PTPRG: variants seen among roughly 807,000 people sequenced by gnomAD.
The protein encoded by PTPRG is protein tyrosine phosphatase receptor type G.
In PTPRG, 102 loss-of-function variants were observed where a neutral mutation model predicts 165.3. The ratio of observed to expected loss-of-function variants is 0.62; its 90% CI spans 0.53 to 0.73. PTPRG has a LOEUF of 0.73. PTPRG is among the 30% of genes least tolerant of loss of function. The pLI, the probability that PTPRG is intolerant of heterozygous loss-of-function variation, is 0.00. For synonymous variants in PTPRG, 675 were observed against 669.5 expected, an observed-to-expected ratio of 1.01 and a Z score of -0.13; for missense variants, 1,866 against 1,861.4, an observed-to-expected ratio of 1.00 and a Z score of -0.05.
In PTPRG at chr3:62,214,830, G is replaced by T. The variant is rs2106874029; in HGVS notation, c.2156-4021G>T. 6.6e-6 allele frequency among the ~76,000 whole-genome samples: 1 copy of T among 152,326 alleles called. No individual in the cohort carries two copies. Among genetic ancestry groups the T allele is most frequent in the African/African-American group, 2.4e-5 (1 of 41,576 alleles). ...AACTGGTTTAAGTTATTGGTTAAAA[G>T]TCACACAGAAAATGGCCAAGCCAGG... On this transcript the variant is annotated intron_variant, in intron 12 of 29. Transcript: ENST00000474889. This position sits in a 1 kb window ranked among gnomAD's most constrained non-coding sequence, Gnocchi z 5.2.
At position 62,271,413 on chromosome 3, in the gene PTPRG, A is replaced by G; in HGVS notation, c.3040A>G (p.Asn1014Asp). 6.2e-7 allele frequency: 1 copy of G among 1,611,236 alleles called. No homozygotes were observed. The highest frequency in any genetic ancestry group is 8.5e-7 in the Non-Finnish European group (1 of 1,178,770). The change falls in exon 21 of 30, where the codon AAT (asparagine) becomes GAT (aspartate). Residue 1014 changes from asparagine to aspartate, a missense_variant. Asn to Asp is a conservative substitution (Grantham distance 23). Around this residue, in one of 3 missense-constraint regions of PTPRG, gnomAD observed 1,452 missense variants for 1,463.0 expected, o/e 0.99. Transcript: ENST00000474889. The surrounding 1 kb of genome is among the most constrained non-coding windows in gnomAD (Gnocchi z 4.1). Reference sequence around the variant, plus strand: ...GAAGGGAAATCCCAAGGGTCGTCAGAATGAAAGGGTAGTGATCCAGTATCA... The same window carrying G: ...GAAGGGAAATCCCAAGGGTCGTCAGGATGAAAGGGTAGTGATCCAGTATCA... ...GQKGNPKGRQ[N>D]ERVVIQYHYT...
intron 1 of PTPRG, among the ~76,000 whole-genome samples, chr3:61,565,399 C>A (rs887032409): frequency 6.6e-6 from 1 of 152,008 alleles, no homozygotes; most frequent in African/African-American, 2.4e-5. Flanking sequence ...TATAATGGAT[C>A]CCCCACCCAA....
chr3:61,688,760 G>A (rs2029950337), intron 1 of PTPRG, among the ~76,000 whole-genome samples: 1 of 152,106 alleles, frequency 6.6e-6, no homozygotes, highest in Admixed American at 6.6e-5. Flanking sequence ...CCTGTTTCTG[G>A]GTCATTGCCT....
chr3:61,876,449 T>A (rs2037742189), intron 2 of PTPRG, among the ~76,000 whole-genome samples: 1 of 152,244 alleles, frequency 6.6e-6, no homozygotes, highest in African/African-American at 2.4e-5. Context: ...TTTTGATCAT[T>A]GTACTGTGGC....
chr3:62,146,123 A>G (rs1271115535), intron 6 of PTPRG, among the ~76,000 whole-genome samples: 1 of 152,240 alleles, frequency 6.6e-6, no homozygotes. Flanking sequence ...TTGTCACTGT[A>G]TGACTCTATA....
At chr3:61,814,832 A>G (rs2035706030) in intron 2 of PTPRG, among the ~76,000 whole-genome samples, 1 of 151,504 alleles carries the variant, frequency 6.6e-6, no homozygotes, top group African/African-American at 2.4e-5. Flanking sequence ...TGCCAAGCAT[A>G]TTGTTAAGTG....
chr3:62,005,443 C>G (rs1199809960), intron 4 of PTPRG, among the ~76,000 whole-genome samples: 1 of 152,174 alleles, frequency 6.6e-6, no homozygotes, highest in Non-Finnish European at 1.5e-5. Context: ...TTGTGTCCAG[C>G]AAGCCTTGCT....
In PTPRG at chr3:62,229,701, G is replaced by T. The variant is rs1242043156; in HGVS notation, c.2289-1524G>T. The stretch of plus-strand genomic sequence containing the variant: ...TCTCCCCCCGGGGTTAATTATGTCT[G>T]TTCTGCTGGTTTGCTCAGGTAGCCT... On this transcript the variant is annotated intron_variant, in intron 13 of 29. Transcript: ENST00000474889. This position sits in a 1 kb window ranked among gnomAD's most constrained non-coding sequence, Gnocchi z 4.6. Among the ~76,000 whole-genome samples, 1 of 152,140 alleles carries T rather than the reference G, an allele frequency of 6.6e-6. No homozygotes were observed. The highest frequency in any genetic ancestry group is 1.9e-4 in the East Asian group (1 of 5,184).
chr3:62,060,235 C>T (rs1044282487), intron 4 of PTPRG, among the ~76,000 whole-genome samples: 1 of 150,620 alleles, frequency 6.6e-6, no homozygotes, highest in South Asian at 2.1e-4. Context: ...AAAAAAAATC[C>T]TTCCTGCTGA....
chr3:61,997,534 C>T (rs1031623398), intron 3 of PTPRG, among the ~76,000 whole-genome samples: 6 of 152,122 alleles, frequency 3.9e-5, no homozygotes, highest in Admixed American at 6.5e-5. Context: ...GGCACTTCCC[C>T]GGGGTAGCTC....
intron 2 of PTPRG, among the ~76,000 whole-genome samples, chr3:61,851,098 A>T (rs1388789417): frequency 1.3e-5 from 2 of 152,202 alleles, no homozygotes; most frequent in Admixed American, 6.5e-5. Context: ...TGGTACTAAG[A>T]CTGAGCCCAC....
chr3:61,980,952 C>A (rs1412276875), intron 2 of PTPRG, among the ~76,000 whole-genome samples: 5 of 152,188 alleles, frequency 3.3e-5, no homozygotes, highest in Non-Finnish European at 4.4e-5. Context: ...GTGAATAGTA[C>A]CAACCTAAAC....
At chr3:62,129,226 T>C (rs1703424451) in intron 5 of PTPRG, among the ~76,000 whole-genome samples, 2 of 152,160 alleles carry the variant, frequency 1.3e-5, no homozygotes, top group African/African-American at 2.4e-5. Flanking sequence ...GACCAAAAAT[T>C]GAACCTGGGC....
intron 1 of PTPRG, among the ~76,000 whole-genome samples, chr3:61,717,414 C>G (rs1259932249): frequency 6.6e-6 from 1 of 152,152 alleles, no homozygotes; most frequent in Non-Finnish European, 1.5e-5. Flanking sequence ...CAAAATCACT[C>G]TTGTATTTTC....
intron 2 of PTPRG, among the ~76,000 whole-genome samples, chr3:61,887,387 A>C (rs1184790979): frequency 6.6e-6 from 1 of 152,074 alleles, no homozygotes; most frequent in Non-Finnish European, 1.5e-5. Context: ...AAGAATAAAG[A>C]GTCCAGCAAA....
intron 1 of PTPRG, among the ~76,000 whole-genome samples, chr3:61,686,618 G>C (rs887251547): frequency 1.3e-5 from 2 of 152,206 alleles, no homozygotes; most frequent in African/African-American, 4.8e-5. Context: ...TCAGTGTTTG[G>C]ATTTTGAAAG....
In PTPRG at chr3:62,162,135, G is replaced by A. The variant is rs146571996; in HGVS notation, c.840+4911G>A. Among the ~76,000 whole-genome samples, 320 of 150,936 alleles carry A rather than the reference G, an allele frequency of 2.1e-3. 1 individual carries two copies. The highest frequency in any genetic ancestry group is 7.4e-3 in the African/African-American group (305 of 41,456). ...CCAAGTCTTGTGGACAGGAGCTCTC[G>A]CTACACACGAAGGGCATGAATAGAT... On this transcript the variant is annotated intron_variant, in intron 7 of 29. Coordinates refer to ENST00000474889, the MANE Select transcript of PTPRG (RefSeq NM_002841.4).
chr3:61,580,020 A>G (rs1175436598), intron 1 of PTPRG, among the ~76,000 whole-genome samples: 1 of 152,206 alleles, frequency 6.6e-6, no homozygotes, highest in African/African-American at 2.4e-5. Flanking sequence ...TATTGAAAAA[A>G]ATAAAAAATA....
At chr3:61,676,995 C>T (rs187611924) in intron 1 of PTPRG, among the ~76,000 whole-genome samples, 1 of 152,140 alleles carries the variant, frequency 6.6e-6, no homozygotes, top group East Asian at 1.9e-4. Flanking sequence ...GCCTGTAATC[C>T]CAGCACTTTG....
Sources: allele counts gnomAD v4.1 joint callset (sites outside exome capture counted in the v4.1 genomes callset), GRCh38; gene constraint gnomAD v4.1.1; regional missense constraint gnomAD v4.1.1; non-coding constraint Gnocchi (gnomAD v3.1); transcripts MANE v1.5; gene names NCBI Gene and HGNC (gene_info 2026-07-23, HGNC 2026-07-21).